FNDC3B: variants seen among roughly 807,000 people sequenced by gnomAD.
FNDC3B encodes the protein fibronectin type III domain containing 3B.
In FNDC3B, 12 loss-of-function variants were observed where a neutral mutation model predicts 151.5. The ratio of observed to expected loss-of-function variants is 0.08; its 90% CI spans 0.05 to 0.13. The LOEUF is 0.13. Ranked by LOEUF, FNDC3B falls within the 10% of genes least tolerant of loss-of-function variation. The pLI is 1.00. For missense variants in FNDC3B, 1,214 were observed against 1,505.3 expected (o/e 0.81, Z 3.20); for synonymous variants, 528 against 549.0 (o/e 0.96, Z 0.54).
At chr3:172,393,904 G>A (rs2108395485) in intron 25 of FNDC3B, among the ~76,000 whole-genome samples, 1 of 151,716 alleles carries the variant, frequency 6.6e-6, no homozygotes, top group East Asian at 1.9e-4. Context: ...GTCAAGAGAT[G>A]GAGACCATCC....
chr3:172,397,492 G>C lies in FNDC3B; in HGVS notation c.*17G>C. 6.7e-7 allele frequency: 1 copy of C among 1,490,588 alleles called. No individual in the cohort carries two copies. Among genetic ancestry groups the C allele is most frequent in the Non-Finnish European group, 9.1e-7 (1 of 1,095,740 alleles). 92.3% of individuals were successfully genotyped at this position (1,490,588 alleles called of 1,614,324 possible). On this transcript the variant is annotated 3_prime_UTR_variant, in exon 26 of 26. Transcript: ENST00000415807. ...ATGAAGTAAACCCAACAAAACTAGAGGTATGAATTAATGCTACACATTTTA... is the reference window on the plus strand; with the variant it reads ...ATGAAGTAAACCCAACAAAACTAGACGTATGAATTAATGCTACACATTTTA...
intron 6 of FNDC3B, among the ~76,000 whole-genome samples, chr3:172,273,121 A>G (rs1298824012): frequency 1.3e-5 from 2 of 152,230 alleles, no homozygotes; most frequent in Non-Finnish European, 2.9e-5. Context: ...GTACAATTTC[A>G]TACTCAGAAT....
At chr3:172,285,252 C>T (rs1291932618) in intron 6 of FNDC3B, among the ~76,000 whole-genome samples, 2 of 152,200 alleles carry the variant, frequency 1.3e-5, no homozygotes, top group East Asian at 3.8e-4. Context: ...GTCTCACTGT[C>T]TCTACTCTCA....
intron 11 of FNDC3B, among the ~76,000 whole-genome samples, chr3:172,316,034 T>A (rs553116121): frequency 1.5e-5 from 2 of 136,688 alleles, no homozygotes; most frequent in African/African-American, 5.2e-5. Flanking sequence ...TGAGATGGAG[T>A]TTTACTCTTG....
intron 4 of FNDC3B, among the ~76,000 whole-genome samples, chr3:172,235,785 G>C (rs1271515673): frequency 6.6e-6 from 1 of 152,206 alleles, no homozygotes; most frequent in East Asian, 1.9e-4. Context: ...TTAAATGTAA[G>C]GAATTATTTT....
chr3:172,343,056 C>G lies in FNDC3B; in HGVS notation c.2017C>G (p.Gln673Glu). 1 of 1,612,946 alleles carries G rather than the reference C, an allele frequency of 6.2e-7. No individual in the cohort carries two copies. The change falls in exon 18 of 26, where the codon CAA (glutamine) becomes GAA (glutamate). Residue 673 changes from glutamine to glutamate, a missense_variant. Coordinates refer to ENST00000415807, the MANE Select transcript of FNDC3B (RefSeq NM_022763.4). ...PVRTLSIAPG[Q>E]CRPPRVLGRP... ...TCGCACACTAAGCATTGCACCAGGT[C>G]AATGTCGACCACCGAGGGTTTTGGG...
At chr3:172,363,608 T>C (rs1218809077) in intron 23 of FNDC3B, among the ~76,000 whole-genome samples, 1 of 152,222 alleles carries the variant, frequency 6.6e-6, no homozygotes, top group Non-Finnish European at 1.5e-5. Flanking sequence ...GCTACTTCCC[T>C]GCTTACCTAC....
intron 3 of FNDC3B, among the ~76,000 whole-genome samples, chr3:172,207,783 A>C (rs568526321): frequency 1.3e-5 from 2 of 152,200 alleles, no homozygotes; most frequent in Non-Finnish European, 2.9e-5. Flanking sequence ...CCCTGTCTCT[A>C]CTAAAAATAC....
At chr3:172,343,183 G>GA in intron 18 of FNDC3B, 67 bp downstream of exon 18, 1 of 864,118 alleles carries the variant, frequency 1.2e-6, no homozygotes, top group Non-Finnish European at 2.0e-6. Context: ...CTTATGCTTT[G>GA]TAGTTAAGTT....
At chr3:172,060,573 T>C (rs1717149867) in intron 1 of FNDC3B, among the ~76,000 whole-genome samples, 1 of 152,158 alleles carries the variant, frequency 6.6e-6, no homozygotes, top group Non-Finnish European at 1.5e-5. Context: ...TCAGTAGTAG[T>C]ATTTATTTGA....
chr3:172,117,058 C>T (rs1720295758), intron 2 of FNDC3B, among the ~76,000 whole-genome samples: 1 of 152,134 alleles, frequency 6.6e-6, no homozygotes, highest in Non-Finnish European at 1.5e-5. Context: ...CTTGTGTGGA[C>T]ATGTTTTTTA....
At chr3:172,248,011 C>G (rs1727871247) in intron 5 of FNDC3B, among the ~76,000 whole-genome samples, 1 of 152,086 alleles carries the variant, frequency 6.6e-6, no homozygotes, top group African/African-American at 2.4e-5. Flanking sequence ...GCCCCAACCC[C>G]CACCTTACAA....
chr3:172,307,418 A>G lies in FNDC3B; in HGVS notation c.1117A>G (p.Thr373Ala), dbSNP rs778804303. ...KGSCSEPVSFTTHSCAPECPF... is the reference protein window; with the variant it reads ...KGSCSEPVSFATHSCAPECPF... ...ATCCTGCTCCGAGCCTGTTAGCTTC[A>G]CCACCCACAGCTGTGCACCCGAGTG... is the stretch of plus-strand genomic sequence containing the variant. Residue 373 changes from threonine to alanine, a missense_variant, in exon 10 of 26, where the codon ACC becomes GCC. Thr to Ala is a moderately conservative substitution (Grantham distance 58). This residue lies in a region of FNDC3B where 156 missense variants were observed against 225.3 expected (regional missense o/e 0.69). Coordinates refer to ENST00000415807, the MANE Select transcript of FNDC3B (RefSeq NM_022763.4). The G allele has an allele frequency of 1.7e-5, 27 of 1,613,964 alleles. No individual in the cohort carries two copies. The highest frequency in any genetic ancestry group is 2.2e-5 in the Non-Finnish European group (26 of 1,179,988).
chr3:172,107,273 CAAAATA>C (rs1719703148), intron 1 of FNDC3B, among the ~76,000 whole-genome samples: 1 of 151,958 alleles, frequency 6.6e-6, no homozygotes, highest in Non-Finnish European at 1.5e-5. Context: ...TGGGTACAAA[CAAAATA>C]AAGAATAGGA....
chr3:172,055,804 G>A (rs1463263406), intron 1 of FNDC3B, among the ~76,000 whole-genome samples: 9 of 151,354 alleles, frequency 5.9e-5, no homozygotes, highest in South Asian at 4.2e-4. Context: ...TTTTTTAGAC[G>A]GAGTCTTGTT....
At chr3:172,072,779 T>G (rs141053288) in intron 1 of FNDC3B, among the ~76,000 whole-genome samples, 4 of 152,294 alleles carry the variant, frequency 2.6e-5, no homozygotes, top group African/African-American at 9.6e-5. Context: ...CAGCCTGATG[T>G]TGACAGAGCT....
chr3:172,314,815 G>A (rs1374617497), intron 11 of FNDC3B, among the ~76,000 whole-genome samples: 1 of 152,202 alleles, frequency 6.6e-6, no homozygotes, highest in Non-Finnish European at 1.5e-5. Context: ...TGAAGTACAA[G>A]GGCAGGTGGA....
chr3:172,272,904 A>G (rs1729268100), intron 6 of FNDC3B, among the ~76,000 whole-genome samples: 1 of 145,096 alleles, frequency 6.9e-6, no homozygotes. Flanking sequence ...TAGGAACCAC[A>G]GCTGGTGAGC....
At position 172,164,918 on chromosome 3, in the gene FNDC3B, T is replaced by C. The variant is rs530209538; in HGVS notation, c.187+31372T>C. The stretch of plus-strand genomic sequence containing the variant: ...ATAGGGGGAAATATTTTCTGTCTCA[T>C]TGCAAGTGTTCTATTATGGCTTTCA... On this transcript the variant is annotated intron_variant, in intron 3 of 25. Coordinates refer to ENST00000415807, the MANE Select transcript of FNDC3B (RefSeq NM_022763.4). 8.5e-5 allele frequency among the ~76,000 whole-genome samples: 13 copies of C among 152,360 alleles called. No homozygotes were observed. In the South Asian group the frequency reaches 2.3e-3, roughly 27 times the overall value.
Sources: gnomAD v4.1 joint callset for allele counts (sites outside exome capture counted in the v4.1 genomes callset) on GRCh38, gnomAD v4.1.1 for gene constraint, gnomAD v4.1.1 regional missense constraint, MANE v1.5 for transcripts, NCBI Gene and HGNC (gene_info 2026-07-23, HGNC 2026-07-21) for gene names.